PLBD2: variants seen among roughly 807,000 people sequenced by gnomAD.
The protein encoded by PLBD2 is putative aminopeptidase PLBD2.
Under a neutral mutation model 68.3 loss-of-function variants are expected in PLBD2, and 51 were observed. The observed-to-expected ratio is 0.75, with a 90% CI of 0.60 to 0.94. The LOEUF (loss-of-function observed/expected upper bound fraction) is 0.94, where lower values mean the gene tolerates loss of function less well. Ranked by LOEUF, PLBD2 falls within the 40% of genes least tolerant of loss-of-function variation. The probability of loss-of-function intolerance (pLI) is 0.00; values close to 1 mark genes in which losing one functional copy is unlikely to be tolerated. For missense variants in PLBD2, 729 were observed against 792.2 expected (o/e 0.92, Z 0.96); for synonymous variants, 314 against 339.3 (o/e 0.93, Z 0.82).
At chr12:113,381,142 G>A (rs867729524) in intron 6 of PLBD2, among the ~76,000 whole-genome samples, 18 of 152,288 alleles carry the variant, frequency 1.2e-4, no homozygotes, top group Middle Eastern at 3.4e-3. Flanking sequence ...GACTCTGCAT[G>A]TAACCCTGGT....
intron 1 of PLBD2, among the ~76,000 whole-genome samples, chr12:113,365,348 G>A (rs577286351): frequency 4.0e-5 from 6 of 149,222 alleles, no homozygotes; most frequent in South Asian, 2.1e-4. Flanking sequence ...TTTTGACAGA[G>A]TCTCATTCTG....
chr12:113,387,770 T>C lies in PLBD2; in HGVS notation c.1466T>C (p.Leu489Pro). 3.1e-6 allele frequency: 5 copies of C among 1,614,184 alleles called. No individual in the cohort carries two copies. Among genetic ancestry groups the C allele is most frequent in the Non-Finnish European group, 4.2e-6 (5 of 1,180,020 alleles). Residue 489 changes from leucine to proline, a missense_variant, in exon 11 of 12, where the codon CTG (leucine) becomes CCG (proline). Transcript: ENST00000280800. Reference sequence around the variant, plus strand: ...TACAATGACTTCCTCCATGACCCTCTGTCACTGTGCAAAGCCTGCAACCCC... The same window carrying C: ...TACAATGACTTCCTCCATGACCCTCCGTCACTGTGCAAAGCCTGCAACCCC... ...MRYNDFLHDP[L>P]SLCKACNPQP...
chr12:113,372,892 C>T lies in PLBD2; in HGVS notation c.543+85C>T. 1 of 1,487,324 alleles carries T rather than the reference C, an allele frequency of 6.7e-7. No individual in the cohort carries two copies. The highest frequency in any genetic ancestry group is 9.1e-7 in the Non-Finnish European group (1 of 1,100,148). 92.1% of individuals were successfully genotyped at this position (1,487,324 alleles called of 1,614,324 possible). ...CCTGTTGTTCTGGCCAGCCTTGTGGCATGTCCAGCTGCCCAGCCGCCTCTG... is the reference window on the plus strand; with the variant it reads ...CCTGTTGTTCTGGCCAGCCTTGTGGTATGTCCAGCTGCCCAGCCGCCTCTG... On this transcript the variant is annotated intron_variant, in intron 3 of 11. Coordinates refer to ENST00000280800, the MANE Select transcript of PLBD2 (RefSeq NM_173542.4). The surrounding 1 kb of genome is among the most constrained non-coding windows in gnomAD (Gnocchi z 4.2).
chr12:113,385,191 C>T (rs544586591), intron 8 of PLBD2, 21 bp from the exon 9 acceptor site: 1 of 1,613,536 alleles, frequency 6.2e-7, no homozygotes, highest in East Asian at 2.2e-5. Context: ...ACCTCCACCC[C>T]ATCTCTCTTC....
Position 113,380,613 on chromosome 12 carries a change from AC to A in PLBD2, c.860-131del. On this transcript the variant is annotated intron_variant, in intron 5 of 11. Transcript: ENST00000280800. The stretch of plus-strand genomic sequence containing the variant: ...GCCCAATGACCTCATTTGCTAAATG[AC>A]AAAAAGGACACAGTGGGGGCTTCCT... 2 of 665,558 alleles carry A rather than the reference AC, an allele frequency of 3.0e-6. 1 individual carries two copies. Among genetic ancestry groups the A allele is most frequent in the Non-Finnish European group, 5.2e-6 (2 of 382,662 alleles). 41.2% of individuals were successfully genotyped at this position (665,558 alleles called of 1,614,324 possible). A position where few individuals can be genotyped will look rare whatever the true frequency, so the allele number is the denominator to read the frequency against.
chr12:113,375,770 G>A (rs756890963), intron 5 of PLBD2, among the ~76,000 whole-genome samples: 24 of 152,222 alleles, frequency 1.6e-4, no homozygotes, highest in Non-Finnish European at 3.5e-4. Context: ...TTCATCATCA[G>A]TAGGTGAGCA....
chr12:113,380,674 G>T lies in PLBD2; in HGVS notation c.860-71G>T, dbSNP rs1002894020. The T allele has an allele frequency of 3.1e-6, 4 of 1,279,194 alleles. No homozygotes were observed. The East Asian group carries it at 7.6e-5, about 24-fold the overall frequency. The allele number at this position is 1,279,194 out of a possible 1,614,324, so 79.2% of individuals were successfully genotyped here. A position where few individuals can be genotyped will look rare whatever the true frequency, so the allele number is the denominator to read the frequency against. ...GCCTGTGCCCCTGTGCCTGTGTCTTGTTAGGTAGGGTGCAGGGGCCTCCAC... is the reference window on the plus strand; with the variant it reads ...GCCTGTGCCCCTGTGCCTGTGTCTTTTTAGGTAGGGTGCAGGGGCCTCCAC... On this transcript the variant is annotated intron_variant, in intron 5 of 11. Transcript: ENST00000280800.
intron 1 of PLBD2, among the ~76,000 whole-genome samples, chr12:113,367,017 C>G (rs1957347899): frequency 1.3e-5 from 2 of 151,940 alleles, no homozygotes; most frequent in Non-Finnish European, 1.5e-5. Flanking sequence ...ATGGGGGTTT[C>G]ACCATGTTGG....
intron 2 of PLBD2, among the ~76,000 whole-genome samples, chr12:113,369,877 T>G (rs116311819): frequency 0.011 from 1,663 of 151,860 alleles, 33 homozygotes; most frequent in African/African-American, 0.037. Flanking sequence ...CACAACCTTA[T>G]GAATACATTA....
chr12:113,365,279 T>C (rs973315155), intron 1 of PLBD2, among the ~76,000 whole-genome samples: 5 of 152,144 alleles, frequency 3.3e-5, no homozygotes, highest in African/African-American at 1.2e-4. Context: ...TCCCCACATC[T>C]GTAAAATGGG....
At position 113,386,673 on chromosome 12, in the gene PLBD2, C is replaced by T. The variant is rs923348897; in HGVS notation, c.1287-264C>T. Among the ~76,000 whole-genome samples the T allele has an allele frequency of 5.3e-5, 8 of 152,164 alleles. No individual in the cohort carries two copies. The South Asian group carries it at 6.2e-4, about 12-fold the overall frequency. On this transcript the variant is annotated intron_variant, in intron 9 of 11. Transcript: ENST00000280800. ...AGCTGGGATTACAGGCACACACCAC[C>T]GTGCCTGGCTAATTTTTGTATTTTT... is the stretch of plus-strand genomic sequence containing the variant.
At position 113,372,522 on chromosome 12, in the gene PLBD2, C is replaced by T; in HGVS notation, c.385-127C>T. ...GGGAGAGGAGCCTCCAGGGAGAGGA[C>T]AGCATGAGCAAGGACTCAGGTGGCC... On this transcript the variant is annotated intron_variant, in intron 2 of 11. Coordinates refer to ENST00000280800, the MANE Select transcript of PLBD2 (RefSeq NM_173542.4). This position sits in a 1 kb window ranked among gnomAD's most constrained non-coding sequence, Gnocchi z 4.2. 1 of 998,286 alleles carries T rather than the reference C, an allele frequency of 1.0e-6. No homozygotes were observed. Among genetic ancestry groups the T allele is most frequent in the Non-Finnish European group, 1.5e-6 (1 of 671,828 alleles). 61.8% of individuals were successfully genotyped at this position (998,286 alleles called of 1,614,324 possible).
chr12:113,373,143 C>T (rs1957404555), intron 3 of PLBD2, among the ~76,000 whole-genome samples: 1 of 152,164 alleles, frequency 6.6e-6, no homozygotes, highest in African/African-American at 2.4e-5. Flanking sequence ...ACATTGGATG[C>T]AAGTAAAGAC....
intron 1 of PLBD2, among the ~76,000 whole-genome samples, chr12:113,361,884 C>T (rs1004044113): frequency 6.6e-6 from 1 of 152,266 alleles, no homozygotes; most frequent in South Asian, 2.1e-4. Flanking sequence ...AAATCACCAT[C>T]CCGTTGAGAG....
intron 2 of PLBD2, among the ~76,000 whole-genome samples, chr12:113,369,756 G>A (rs1957372868): frequency 6.6e-6 from 1 of 152,154 alleles, no homozygotes; most frequent in Non-Finnish European, 1.5e-5. Context: ...AAGCCAACTA[G>A]TGGTGCCAGG....
chr12:113,388,813 C>A lies in PLBD2; in HGVS notation c.*187C>A, dbSNP rs1041872904. 1.6e-5 allele frequency: 9 copies of A among 558,564 alleles called. No homozygotes were observed. Among genetic ancestry groups the A allele is most frequent in the Admixed American group, 8.0e-5 (2 of 25,064 alleles). The allele number at this position is 558,564 out of a possible 1,614,324, so 34.6% of individuals were successfully genotyped here. ...GGCTCAGAACTGACCCCCTCTCTCC[C>A]CCGAGGTGGGTGGGCACCGTGGCGT... On this transcript the variant is annotated 3_prime_UTR_variant, in exon 12 of 12. Transcript: ENST00000280800.
At chr12:113,373,791 C>T (rs1957411180) in intron 3 of PLBD2, among the ~76,000 whole-genome samples, 1 of 149,126 alleles carries the variant, frequency 6.7e-6, no homozygotes, top group South Asian at 2.2e-4. Flanking sequence ...ATCCATTTAC[C>T]CACCCATTCA....
chr12:113,364,797 T>C (rs1025629428), intron 1 of PLBD2, among the ~76,000 whole-genome samples: 11 of 152,040 alleles, frequency 7.2e-5, no homozygotes, highest in Non-Finnish European at 1.5e-4. Flanking sequence ...ACTTAGTGAG[T>C]GCATAATGTG....
intron 6 of PLBD2, among the ~76,000 whole-genome samples, chr12:113,381,600 C>T (rs760736521): frequency 3.4e-4 from 52 of 152,064 alleles, no homozygotes; most frequent in Non-Finnish European, 6.8e-4. Flanking sequence ...GAGGGCCAGG[C>T]GGTGGGTGAG....
Sources: gnomAD v4.1 joint callset for allele counts (sites outside exome capture counted in the v4.1 genomes callset) on GRCh38, gnomAD v4.1.1 for gene constraint, Gnocchi (gnomAD v3.1) non-coding constraint, MANE v1.5 for transcripts, NCBI Gene and HGNC (gene_info 2026-07-23, HGNC 2026-07-21) for gene names.